The following ATG2B variants were observed in gnomAD, a reference collection of about 807,000 sequenced individuals.
ATG2B encodes the protein autophagy-related protein 2 homolog B.
Under a neutral mutation model 241.3 loss-of-function variants are expected in ATG2B, and 121 were observed. The observed-to-expected ratio is 0.50, with a 90% CI of 0.43 to 0.58. The LOEUF (loss-of-function observed/expected upper bound fraction) is 0.58. Among genes scored for constraint, ATG2B ranks in the 20% least tolerant of loss-of-function variants. The pLI is 0.00. For synonymous variants in ATG2B, 858 were observed against 876.6 expected (o/e 0.98, Z 0.37); for missense variants, 2,306 against 2,491.6 (o/e 0.93, Z 1.59).
In ATG2B at chr14:96,314,670, C is replaced by CTGTTT. The variant is rs67718533; in HGVS notation, c.3642+479_3642+483dup. 1.6e-3 allele frequency among the ~76,000 whole-genome samples: 241 copies of CTGTTT among 151,466 alleles called. 3 individuals carry two copies. Among genetic ancestry groups the CTGTTT allele is most frequent in the East Asian group, 0.012 (62 of 5,096 alleles). On this transcript the variant is annotated intron_variant, in intron 23 of 41. Transcript: ENST00000359933. ...CCAATTACATTCTGAGGTGATAATA[C>CTGTTT]TGTTTTGTTTTGTTTTGTTTTGTTT...
At chr14:96,362,755 G>A in intron 1 of ATG2B, 60 bp downstream of exon 1, 1 of 1,540,352 alleles carries the variant, frequency 6.5e-7, no homozygotes, top group South Asian at 1.2e-5. Flanking sequence ...GATGGCACTG[G>A]TTCAAAGCGC....
intron 13 of ATG2B, 36 bp downstream of exon 13, chr14:96,328,638 A>G: frequency 6.4e-7 from 1 of 1,569,744 alleles, no homozygotes; most frequent in Non-Finnish European, 8.7e-7. Context: ...TCAGATTAAA[A>G]TTTACAGGTG....
At chr14:96,323,310 A>C (rs1420167616) in intron 16 of ATG2B, among the ~76,000 whole-genome samples, 1 of 152,188 alleles carries the variant, frequency 6.6e-6, no homozygotes, top group Non-Finnish European at 1.5e-5. Context: ...TACAAAAACT[A>C]ATGAGCTTTT....
intron 34 of ATG2B, among the ~76,000 whole-genome samples, chr14:96,296,981 T>C (rs1400749540): frequency 6.6e-6 from 1 of 152,112 alleles, no homozygotes; most frequent in African/African-American, 2.4e-5. Context: ...AGCAATGGAC[T>C]GCAGCACAAG....
intron 1 of ATG2B, among the ~76,000 whole-genome samples, chr14:96,352,086 A>G (rs964184806): frequency 6.6e-6 from 1 of 152,192 alleles, no homozygotes; most frequent in African/African-American, 2.4e-5. Flanking sequence ...CATCTGGTCA[A>G]TGACAGACCA....
Position 96,280,140 on chromosome 14 carries a change from C to G in ATG2B, c.*5615G>C, listed in dbSNP as rs1452036921. The G allele has an allele frequency of 2.6e-5, 4 of 152,350 alleles. No homozygotes were observed. The highest frequency in any genetic ancestry group is 9.6e-5 in the African/African-American group (4 of 41,566). The allele number at this position is 152,350 out of a possible 1,614,324, so 9.4% of individuals were successfully genotyped here. ...GAAGAGGGGAGAGGGGCTGGAGACG[C>G]CAGGAAGAGATCAAGCACATTTTCT... On this transcript the variant is annotated 3_prime_UTR_variant, in exon 42 of 42. Transcript: ENST00000359933.
intron 7 of ATG2B, among the ~76,000 whole-genome samples, 166 bp downstream of exon 7, chr14:96,334,239 T>C (rs1023114549): frequency 6.6e-6 from 1 of 152,222 alleles, no homozygotes; most frequent in African/African-American, 2.4e-5. Context: ...TGGTAACACA[T>C]TCAAAACACC....
At chr14:96,354,963 C>A (rs1490666454) in intron 1 of ATG2B, among the ~76,000 whole-genome samples, 1 of 152,124 alleles carries the variant, frequency 6.6e-6, no homozygotes, top group African/African-American at 2.4e-5. Context: ...TGTCTGTTCA[C>A]ATCCTTTGCC....
At chr14:96,291,376 A>T (rs978284628) in intron 38 of ATG2B, among the ~76,000 whole-genome samples, 1 of 152,222 alleles carries the variant, frequency 6.6e-6, no homozygotes, top group African/African-American at 2.4e-5. Context: ...TATTTAAAAT[A>T]TCCTAAACTA....
In ATG2B at chr14:96,351,690, C is replaced by T. The variant is rs941241763; in HGVS notation, c.163-4349G>A. Among the ~76,000 whole-genome samples, 8 of 150,828 alleles carry T rather than the reference C, an allele frequency of 5.3e-5. 1 individual carries two copies. The highest frequency in any genetic ancestry group is 4.2e-4 in the South Asian group (2 of 4,776). On this transcript the variant is annotated intron_variant, in intron 1 of 41. Coordinates refer to ENST00000359933, the MANE Select transcript of ATG2B (RefSeq NM_018036.7). ...GGCGGAAGTTACCGTGAGCCGAAATCGCGCCACTGCACTCCAGCCTGGGCG... is the reference window on the plus strand; with the variant it reads ...GGCGGAAGTTACCGTGAGCCGAAATTGCGCCACTGCACTCCAGCCTGGGCG...
rs1225046548 is a variant in ATG2B at position 96,316,553 on chromosome 14, C to T, written c.3341G>A (p.Ser1114Asn). The T allele has an allele frequency of 1.1e-5, 17 of 1,613,474 alleles. No individual in the cohort carries two copies. In the East Asian group the frequency reaches 3.8e-4, roughly 36 times the overall value. The change falls in exon 21 of 42, where the codon AGT becomes AAT. Residue 1114 changes from serine (S) to asparagine (N), a missense_variant. This residue lies in a region of ATG2B where 1,927 missense variants were observed against 2,011.2 expected (regional missense o/e 0.96). Coordinates refer to ENST00000359933, the MANE Select transcript of ATG2B (RefSeq NM_018036.7). ...CCTACCTTTATGGTACAGACTGAAA[C>T]TGCTAGAATGAAGGCAAATGTAGTG... is the stretch of plus-strand genomic sequence containing the variant. Reference protein sequence around the residue: ...DKHYICLHSSSFSLYHKGIVN... With the variant: ...DKHYICLHSSNFSLYHKGIVN...
rs199659955 is a variant in ATG2B, at chr14:96,305,752, A to C, written c.4570T>G (p.Tyr1524Asp). The change falls in exon 31 of 42, where the codon TAT becomes GAT. Residue 1524 changes from tyrosine to aspartate, a missense_variant. Physicochemically the swap from Tyr to Asp is radical, Grantham distance 160. Coordinates refer to ENST00000359933, the MANE Select transcript of ATG2B (RefSeq NM_018036.7). ...VDDAIVIRDN[Y>D]FSLPVNKTDT... ...GTCTTATTAACGGGCAGACTGAAAT[A>C]ATTGTCTCTTATCACAATTGCATCA... is the stretch of plus-strand genomic sequence containing the variant. 13 of 1,614,182 alleles carry C rather than the reference A, an allele frequency of 8.1e-6. No individual in the cohort carries two copies. The highest frequency in any genetic ancestry group is 1.1e-5 in the Non-Finnish European group (13 of 1,180,032).
At chr14:96,315,680 A>G in intron 21 of ATG2B, 97 bp from the exon 22 acceptor site, 3 of 845,124 alleles carry the variant, frequency 3.5e-6, no homozygotes, top group Non-Finnish European at 5.6e-6. Flanking sequence ...ACGTACTTCC[A>G]CTGAATATAA....
rs1026145193 is a variant in ATG2B at position 96,282,590 on chromosome 14, T to C, written c.*3165A>G. 3.9e-5 allele frequency: 6 copies of C among 152,266 alleles called. No homozygotes were observed. Among genetic ancestry groups the C allele is most frequent in the Non-Finnish European group, 7.3e-5 (5 of 68,052 alleles). 9.4% of individuals were successfully genotyped at this position (152,266 alleles called of 1,614,324 possible). ...ATGATTAGTCAATCCTGAAACCATT[T>C]AGTGCAATTGGGGATTCCTCATTTT... On this transcript the variant is annotated 3_prime_UTR_variant, in exon 42 of 42. Transcript: ENST00000359933.
intron 1 of ATG2B, among the ~76,000 whole-genome samples, chr14:96,360,927 C>A: frequency 1.2e-5 from 1 of 86,942 alleles, no homozygotes; most frequent in African/African-American, 4.3e-5. Flanking sequence ...AGAATGAATC[C>A]TCTACCAAAA....
Position 96,341,446 on chromosome 14 carries a change from G to A in ATG2B, c.924+76C>T, listed in dbSNP as rs191232696. 7.8e-4 allele frequency: 892 copies of A among 1,146,324 alleles called. 13 individuals are homozygous for A. The East Asian group carries it at 0.02, about 26-fold the overall frequency. 71.0% of individuals were successfully genotyped at this position (1,146,324 alleles called of 1,614,324 possible). A position where few individuals can be genotyped will look rare whatever the true frequency, so the allele number is the denominator to read the frequency against. ...CAGGATAATCTGCAGTAATCAATCA[G>A]TGAATCACTGCATAGAATAAAGAAT... On this transcript the variant is annotated intron_variant, in intron 6 of 41. Coordinates refer to ENST00000359933, the MANE Select transcript of ATG2B (RefSeq NM_018036.7).
chr14:96,343,020 A>T, intron 5 of ATG2B, 99 bp downstream of exon 5: 1 of 817,684 alleles, frequency 1.2e-6, no homozygotes. Context: ...ACAGAGATTC[A>T]TTAAGACATA....
chr14:96,331,486 T>C lies in ATG2B; in HGVS notation c.1620A>G (p.Ala540=). 1.2e-6 allele frequency: 2 copies of C among 1,614,072 alleles called. No individual in the cohort carries two copies. The highest frequency in any genetic ancestry group is 1.7e-6 in the Non-Finnish European group (2 of 1,179,952). ...TTTCTATACAAGTAAAGAAAGCTAC[T>C]GCCATAGGTGTCAATGGATTAAGGT... ...SQNLNPLTPM[A]VAFFTCIEKI... The change falls in exon 11 of 42, where the codon GCA becomes GCG. Residue 540 remains alanine (A), a synonymous_variant. Coordinates refer to ENST00000359933, the MANE Select transcript of ATG2B (RefSeq NM_018036.7).
rs1397555663 is a variant in ATG2B at position 96,285,379 on chromosome 14, G to C, written c.*376C>G. 1 of 171,194 alleles carries C rather than the reference G, an allele frequency of 5.8e-6. No individual in the cohort carries two copies. The highest frequency in any genetic ancestry group is 1.2e-5 in the Non-Finnish European group (1 of 80,152). 10.6% of individuals were successfully genotyped at this position (171,194 alleles called of 1,614,324 possible). ...TTTCAGTTAAAAGTTCCGAAGCTGTGATTCTTTTTAAACCTTAAGAAAATC... is the reference window on the plus strand; with the variant it reads ...TTTCAGTTAAAAGTTCCGAAGCTGTCATTCTTTTTAAACCTTAAGAAAATC... On this transcript the variant is annotated 3_prime_UTR_variant, in exon 42 of 42. Transcript: ENST00000359933. The surrounding 1 kb of genome is among the most constrained non-coding windows in gnomAD (Gnocchi z 4.2).
Sources: allele counts gnomAD v4.1 joint callset (sites outside exome capture counted in the v4.1 genomes callset), GRCh38; gene constraint gnomAD v4.1.1; regional missense constraint gnomAD v4.1.1; non-coding constraint Gnocchi (gnomAD v3.1); transcripts MANE v1.5; gene names NCBI Gene and HGNC (gene_info 2026-07-23, HGNC 2026-07-21).